The following VEZT variants were observed in gnomAD, a reference collection of about 807,000 sequenced individuals.
The protein encoded by VEZT is vezatin, adherens junctions transmembrane protein, also known as vezatin.
VEZT carries 39 observed loss-of-function variants against 79.9 expected under a neutral mutation model. That is an observed-to-expected ratio of 0.49 (90% CI 0.38 to 0.64). The LOEUF (loss-of-function observed/expected upper bound fraction) is 0.64, where lower values mean the gene tolerates loss of function less well. VEZT is among the 30% of genes least tolerant of loss of function. The pLI, the probability that VEZT is intolerant of heterozygous loss-of-function variation, is 0.00. For synonymous variants in VEZT, 325 were observed against 327.6 expected (o/e 0.99, Z 0.09); for missense variants, 837 against 893.1 (o/e 0.94, Z 0.80).
At chr12:95,254,073 TGGGCCCAAGTGATC>T (rs1186171731) in intron 2 of VEZT, among the ~76,000 whole-genome samples, 1 of 152,144 alleles carries the variant, frequency 6.6e-6, no homozygotes, top group Non-Finnish European at 1.5e-5. Flanking sequence ...ATTCACTTCC[TGGGCCCAAGTGATC>T]CTCCCACCTC....
At chr12:95,220,411 G>A (rs1592937346) in intron 1 of VEZT, among the ~76,000 whole-genome samples, 1 of 152,038 alleles carries the variant, frequency 6.6e-6, no homozygotes, top group Non-Finnish European at 1.5e-5. Flanking sequence ...AGCCATGATC[G>A]CACCGCTGTA....
At chr12:95,218,447 G>C (rs902001439) in intron 1 of VEZT, 4 of 152,254 alleles carry the variant, frequency 2.6e-5, no homozygotes, top group Admixed American at 6.5e-5. Context: ...TTTGTCCTTT[G>C]CTGTTGCGCT....
intron 3 of VEZT, chr12:95,258,102 T>G: frequency 2.6e-6 from 1 of 381,246 alleles, no homozygotes; most frequent in Non-Finnish European, 5.3e-6. Flanking sequence ...GCTCAAGTAT[T>G]ATTATTTTTT....
intron 1 of VEZT, among the ~76,000 whole-genome samples, chr12:95,239,423 C>G (rs2060595667): frequency 1.3e-5 from 2 of 152,170 alleles, no homozygotes; most frequent in African/African-American, 4.8e-5. Flanking sequence ...CTTTTCTATC[C>G]AGATGATCTT....
intron 4 of VEZT, among the ~76,000 whole-genome samples, chr12:95,264,811 C>CTGA (rs10694893): frequency 0.48 from 72,373 of 149,640 alleles, 17,861 homozygotes; most frequent in African/African-American, 0.57. Flanking sequence ...CCAAATATTG[C>CTGA]TGTTTTTCAG....
intron 1 of VEZT, among the ~76,000 whole-genome samples, chr12:95,244,395 A>G: frequency 6.6e-6 from 1 of 152,154 alleles, no homozygotes; most frequent in African/African-American, 2.4e-5. Flanking sequence ...TAAATAAATA[A>G]TGATAACCCC....
chr12:95,244,015 C>T (rs1031970698), intron 1 of VEZT: 2 of 455,696 alleles, frequency 4.4e-6, no homozygotes, highest in Non-Finnish European at 8.8e-6. Context: ...GCTAAGTAAG[C>T]TTCTTTCTTT....
chr12:95,300,342 A>G lies in VEZT; in HGVS notation c.2009A>G (p.Glu670Gly). 1 of 1,612,298 alleles carries G rather than the reference A, an allele frequency of 6.2e-7. No individual in the cohort carries two copies. Reference protein sequence around the residue: ...RTEYLCENSLEGKNKDNSSNE... With the variant: ...RTEYLCENSLGGKNKDNSSNE... ...GAGTATTTATGTGAAAACTCTCTAG[A>G]AGGTAAAAATAAAGATAATTCTTCA... Residue 670 changes from glutamate to glycine, a missense_variant, in exon 12 of 12, where the codon GAA becomes GGA. Physicochemically the swap from Glu to Gly is moderately conservative, Grantham distance 98 (BLOSUM62 -2). Coordinates refer to ENST00000436874, the MANE Select transcript of VEZT (RefSeq NM_017599.4).
intron 1 of VEZT, among the ~76,000 whole-genome samples, chr12:95,225,429 C>T (rs1312192001): frequency 2.6e-5 from 4 of 151,898 alleles, no homozygotes; most frequent in East Asian, 3.9e-4. Context: ...TGGTGGCGGG[C>T]GCCTGTAGTC....
intron 3 of VEZT, among the ~76,000 whole-genome samples, chr12:95,257,902 A>G (rs2063719492): frequency 6.6e-6 from 1 of 152,244 alleles, no homozygotes; most frequent in Non-Finnish European, 1.5e-5. Flanking sequence ...TTGGTAATCT[A>G]AACAACACTA....
chr12:95,264,921 G>A (rs2065236033), intron 4 of VEZT, among the ~76,000 whole-genome samples: 1 of 139,304 alleles, frequency 7.2e-6, no homozygotes, highest in Non-Finnish European at 1.5e-5. Flanking sequence ...CACCCAGGCT[G>A]GAGTGCAGTG....
At position 95,300,425 on chromosome 12, in the gene VEZT, G is replaced by A. The variant is rs924170068; in HGVS notation, c.2092G>A (p.Asp698Asn). The change falls in exon 12 of 12, where the codon GAT becomes AAT. Residue 698 changes from aspartate (D) to asparagine (N), a missense_variant. By Grantham distance (23) the Asp-to-Asn change is conservative. Transcript: ENST00000436874. ...ERMCYQCESE[D>N]EPQADGSGLT... ...AATGTGTTACCAATGTGAGAGTGAAGATGAACCACAAGCAGATGGAAGTGG... is the reference window on the plus strand; with the variant it reads ...AATGTGTTACCAATGTGAGAGTGAAAATGAACCACAAGCAGATGGAAGTGG... The A allele has an allele frequency of 1.9e-6, 3 of 1,613,988 alleles. No homozygotes were observed. Among genetic ancestry groups the A allele is most frequent in the Non-Finnish European group, 2.5e-6 (3 of 1,179,888 alleles).
intron 1 of VEZT, chr12:95,224,318 C>T: frequency 9.8e-6 from 4 of 409,040 alleles, no homozygotes; most frequent in Middle Eastern, 8.6e-4. Flanking sequence ...AAAGCCACAA[C>T]TTTTTTTTTT....
chr12:95,219,123 C>T lies in VEZT; in HGVS notation c.36+1237C>T, dbSNP rs185471441. Among the ~76,000 whole-genome samples, 401 of 152,182 alleles carry T rather than the reference C, an allele frequency of 2.6e-3. 3 individuals are homozygous for T. In the Middle Eastern group the frequency reaches 0.037, roughly 14 times the overall value. ...AATGGAATAATGGCTTGGACAGACACTTGTAAGTTAAAATCGAGGCAATGT... is the reference window on the plus strand; with the variant it reads ...AATGGAATAATGGCTTGGACAGACATTTGTAAGTTAAAATCGAGGCAATGT... On this transcript the variant is annotated intron_variant, in intron 1 of 11. Transcript: ENST00000436874.
intron 1 of VEZT, among the ~76,000 whole-genome samples, chr12:95,236,417 G>C (rs563028129): frequency 6.6e-6 from 1 of 152,282 alleles, no homozygotes; most frequent in African/African-American, 2.4e-5. Context: ...ACCGTGGAAA[G>C]AGAGGGAGAG....
Position 95,300,759 on chromosome 12 carries a change from A to G in VEZT, c.*86A>G. 2 of 1,428,216 alleles carry G rather than the reference A, an allele frequency of 1.4e-6. No individual in the cohort carries two copies. The highest frequency in any genetic ancestry group is 1.8e-6 in the Non-Finnish European group (2 of 1,094,664). The allele number at this position is 1,428,216 out of a possible 1,614,324, so 88.5% of individuals were successfully genotyped here. On this transcript the variant is annotated 3_prime_UTR_variant, in exon 12 of 12. Transcript: ENST00000436874. ...AGACTGGAAAGGGAATATGAGTGTA[A>G]GTTTACTATATATAAAGCTAAGATG...
At chr12:95,225,723 C>T (rs1354568512) in intron 1 of VEZT, among the ~76,000 whole-genome samples, 2 of 119,728 alleles carry the variant, frequency 1.7e-5, no homozygotes, top group Non-Finnish European at 3.2e-5. Flanking sequence ...TGGAATACTG[C>T]TATAGAAACA....
intron 1 of VEZT, among the ~76,000 whole-genome samples, chr12:95,240,021 A>AAAGGAAGGAAGGAAGGAAGGAAGG (rs372963849): frequency 1.2e-5 from 1 of 81,416 alleles, no homozygotes; most frequent in Admixed American, 1.3e-4. Flanking sequence ...AGAGAGAAAG[A>AAAGGAAGGAAGGAAGGAAGGAAGG]AAGGAAGGAA....
intron 11 of VEZT, among the ~76,000 whole-genome samples, chr12:95,298,123 AAATAAT>A (rs557389826): frequency 7.3e-5 from 11 of 149,750 alleles, no homozygotes; most frequent in South Asian, 2.1e-4. Flanking sequence ...CTCTCTCAAA[AAATAAT>A]AATAATAATA....
Sources: gnomAD v4.1 joint callset for allele counts (sites outside exome capture counted in the v4.1 genomes callset) on GRCh38, gnomAD v4.1.1 for gene constraint, MANE v1.5 for transcripts, NCBI Gene and HGNC (gene_info 2026-07-23, HGNC 2026-07-21) for gene names.